Variants in SPTAN1 observed in about 807,000 individuals in gnomAD.
The protein encoded by SPTAN1 is spectrin alpha, non-erythrocytic 1, also known as spectrin alpha chain, non-erythrocytic 1.
A neutral mutation model predicts 331.3 loss-of-function variants in SPTAN1; 61 were observed. The ratio of observed to expected loss-of-function variants is 0.18; its 90% CI spans 0.15 to 0.23. The LOEUF (loss-of-function observed/expected upper bound fraction) is 0.23. SPTAN1 is among the 10% of genes least tolerant of loss of function. SPTAN1 has a pLI of 1.00. For synonymous variants in SPTAN1, 1,153 were observed against 1,173.9 expected, an observed-to-expected ratio of 0.98 and a Z score of 0.36; for missense variants, 2,043 against 3,147.9, an observed-to-expected ratio of 0.65 and a Z score of 8.40.
Position 128,625,679 on chromosome 9 carries a change from TG to T in SPTAN1, c.6070-85del. 1.6e-6 allele frequency: 2 copies of T among 1,271,432 alleles called. No homozygotes were observed. Among genetic ancestry groups the T allele is most frequent in the Non-Finnish European group, 1.1e-6 (1 of 878,914 alleles). 78.8% of individuals were successfully genotyped at this position (1,271,432 alleles called of 1,614,324 possible). A position where few individuals can be genotyped will look rare whatever the true frequency, so the allele number is the denominator to read the frequency against. On this transcript the variant is annotated intron_variant, in intron 47 of 56. Coordinates refer to ENST00000372739, the MANE Select transcript of SPTAN1 (RefSeq NM_001130438.3). The surrounding 1 kb of genome is among the most constrained non-coding windows in gnomAD (Gnocchi z 4.1). ...AGGTGGACAGTTTGGCTTGGGCATC[TG>T]GGGGACATGCTGGTGCCATCTGAGC...
At chr9:128,606,761 C>G (rs1029789093) in intron 31 of SPTAN1, among the ~76,000 whole-genome samples, 2 of 152,120 alleles carry the variant, frequency 1.3e-5, no homozygotes, top group Non-Finnish European at 2.9e-5. Flanking sequence ...GCTGGGATTA[C>G]AGGCGTGAGC....
chr9:128,626,961 C>T (rs1375057621), intron 49 of SPTAN1: 7 of 606,866 alleles, frequency 1.2e-5, no homozygotes, highest in East Asian at 6.8e-5. Flanking sequence ...ACTACAAGCA[C>T]GTGCCACCAC....
At chr9:128,597,058 A>G (rs1393858366) in intron 24 of SPTAN1, among the ~76,000 whole-genome samples, 2 of 152,236 alleles carry the variant, frequency 1.3e-5, no homozygotes, top group Admixed American at 6.5e-5. Flanking sequence ...TACTCGGTAC[A>G]CTGAGGCATG....
At chr9:128,589,013 G>A (rs1853069761) in intron 21 of SPTAN1, 70 bp downstream of exon 21, 1 of 1,590,954 alleles carries the variant, frequency 6.3e-7, no homozygotes, top group Admixed American at 1.8e-5. Flanking sequence ...TTGGGTTTCT[G>A]TGGGTTGCAT....
intron 9 of SPTAN1, among the ~76,000 whole-genome samples, 175 bp downstream of exon 9, chr9:128,578,420 T>C (rs1228225703): frequency 6.6e-6 from 1 of 152,198 alleles, no homozygotes; most frequent in Non-Finnish European, 1.5e-5. Context: ...CTGCTTCTGA[T>C]AGAGGCTTAA....
intron 27 of SPTAN1, among the ~76,000 whole-genome samples, chr9:128,603,155 A>G (rs1374605055): frequency 6.6e-6 from 1 of 151,916 alleles, no homozygotes; most frequent in Non-Finnish European, 1.5e-5. Flanking sequence ...GCTGTTAAAC[A>G]GTCTCAGCTG....
intron 21 of SPTAN1, 74 bp downstream of exon 21, chr9:128,589,017 G>A: frequency 1.9e-6 from 3 of 1,583,390 alleles, no homozygotes; most frequent in Non-Finnish European, 1.7e-6. Flanking sequence ...GTTTCTGTGG[G>A]TTGCATGTCT....
chr9:128,560,875 G>A (rs553540351), intron 1 of SPTAN1, among the ~76,000 whole-genome samples: 5 of 151,772 alleles, frequency 3.3e-5, no homozygotes, highest in South Asian at 2.1e-4. Context: ...AATTAGTCGC[G>A]TGTGGTGGCG....
At chr9:128,556,484 A>G (rs1848652692) in intron 1 of SPTAN1, among the ~76,000 whole-genome samples, 2 of 152,246 alleles carry the variant, frequency 1.3e-5, no homozygotes, top group Admixed American at 6.5e-5. Flanking sequence ...CATAGTAACA[A>G]TAAGGAACTT....
At chr9:128,632,075 G>A in intron 52 of SPTAN1, 52 bp from the exon 53 acceptor site, 1 of 1,593,170 alleles carries the variant, frequency 6.3e-7, no homozygotes, top group South Asian at 1.1e-5. Context: ...TCCTGGGCTG[G>A]TGACTGAGCT....
At chr9:128,600,021 C>T (rs1317685863) in intron 26 of SPTAN1, 59 bp from the exon 27 acceptor site, 27 of 1,577,396 alleles carry the variant, frequency 1.7e-5, no homozygotes, top group Non-Finnish European at 2.4e-5. Flanking sequence ...CTGGAAAGGC[C>T]AGGTGCTTTG....
At position 128,603,562 on chromosome 9, in the gene SPTAN1, A is replaced by G. The variant is rs745798632; in HGVS notation, c.3599A>G (p.His1200Arg). 4.3e-6 allele frequency: 7 copies of G among 1,614,194 alleles called. No individual in the cohort carries two copies. Among genetic ancestry groups the G allele is most frequent in the Admixed American group, 3.3e-5 (2 of 60,012 alleles). ...ACCTAGTCTGCTCGTCTGATGGTTC[A>G]CACCGTGGCCACCTTTAATTCCATC... ...SPWKSARLMV[H>R]TVATFNSIKE... Residue 1200 changes from histidine to arginine, a missense_variant, in exon 28 of 57, where the codon CAC becomes CGC. By Grantham distance (29) the His-to-Arg change is conservative (BLOSUM62 0). Coordinates refer to ENST00000372739, the MANE Select transcript of SPTAN1 (RefSeq NM_001130438.3).
At position 128,594,168 on chromosome 9, in the gene SPTAN1, C is replaced by T; in HGVS notation, c.3216-7C>T. 6.2e-7 allele frequency: 1 copy of T among 1,614,106 alleles called. No homozygotes were observed. Among genetic ancestry groups the T allele is most frequent in the Admixed American group, 1.7e-5 (1 of 60,008 alleles). On this transcript the variant is annotated splice_polypyrimidine_tract_variant and splice_region_variant and intron_variant, in intron 23 of 56. Transcript: ENST00000372739. ...GTCCCTCTTGTCACCCTCTTGAATT[C>T]CATCAGATATCATTCTCTGCTGGAA...
chr9:128,620,129 T>A (rs1857658991), intron 44 of SPTAN1, among the ~76,000 whole-genome samples: 1 of 152,076 alleles, frequency 6.6e-6, no homozygotes, highest in Admixed American at 6.5e-5. Context: ...CCAAAGCAAG[T>A]CCCAAGGCAG....
At chr9:128,607,524 T>C (rs972467643) in intron 31 of SPTAN1, 80 bp from the exon 32 acceptor site, 1 of 1,222,764 alleles carries the variant, frequency 8.2e-7, no homozygotes, top group Non-Finnish European at 1.2e-6. Context: ...GCAAGAATTA[T>C]GTCATTCTCT....
rs1460054792 is a variant in SPTAN1 at position 128,612,192 on chromosome 9, C to T, written c.4989C>T (p.Asn1663=). The part of the protein sequence containing the change: ...AEKSQKLKEA[N]KQQNFNTGIK... ...AGAGCCAGAAACTGAAAGAAGCCAA[C>T]AAGCAGCAGAACTTCAACACAGGGA... The change falls in exon 39 of 57, where the codon AAC becomes AAT. Residue 1663 remains asparagine, a synonymous_variant. Coordinates refer to ENST00000372739, the MANE Select transcript of SPTAN1 (RefSeq NM_001130438.3). The T allele has an allele frequency of 5.6e-6, 9 of 1,614,008 alleles. No individual in the cohort carries two copies. Among genetic ancestry groups the T allele is most frequent in the Admixed American group, 1.7e-5 (1 of 59,994 alleles).
rs144840530 is a variant in SPTAN1, at chr9:128,584,076, G to A, written c.2193+107G>A. The A allele has an allele frequency of 2.7e-6, 4 of 1,506,218 alleles. No individual in the cohort carries two copies. In the Middle Eastern group the frequency reaches 5.2e-4, roughly 196 times the overall value. 93.3% of individuals were successfully genotyped at this position (1,506,218 alleles called of 1,614,324 possible). A position where few individuals can be genotyped will look rare whatever the true frequency, so the allele number is the denominator to read the frequency against. On this transcript the variant is annotated intron_variant, in intron 16 of 56. Transcript: ENST00000372739. ...ATGAATTTTGGGAGGGATGAAATGTGTTGATTTTCTTAGATCGCTCTGTGC... is the reference window on the plus strand; with the variant it reads ...ATGAATTTTGGGAGGGATGAAATGTATTGATTTTCTTAGATCGCTCTGTGC...
chr9:128,573,687 C>T (rs1850980612), intron 3 of SPTAN1, among the ~76,000 whole-genome samples: 1 of 152,150 alleles, frequency 6.6e-6, no homozygotes. Context: ...AACTCCCGAC[C>T]TCCTGATCTG....
At chr9:128,594,039 G>T (rs1589254317) in intron 23 of SPTAN1, 136 bp from the exon 24 acceptor site, 1 of 812,714 alleles carries the variant, frequency 1.2e-6, no homozygotes, top group Non-Finnish European at 2.1e-6. Flanking sequence ...TGATAACTCT[G>T]TTACTAGGGC....
Sources: allele counts gnomAD v4.1 joint callset (sites outside exome capture counted in the v4.1 genomes callset), GRCh38; gene constraint gnomAD v4.1.1; non-coding constraint Gnocchi (gnomAD v3.1); transcripts MANE v1.5; gene names NCBI Gene and HGNC (gene_info 2026-07-23, HGNC 2026-07-21).